SH3PXD2B: variants seen among roughly 807,000 people sequenced by gnomAD.
The protein encoded by SH3PXD2B is SH3 and PX domains 2B.
A neutral mutation model predicts 73.1 loss-of-function variants in SH3PXD2B; 37 were observed. The ratio of observed to expected loss-of-function variants is 0.51; its 90% CI spans 0.39 to 0.67. The LOEUF (loss-of-function observed/expected upper bound fraction) is 0.67, where lower values mean the gene tolerates loss of function less well. SH3PXD2B is among the 30% of genes least tolerant of loss of function. SH3PXD2B has a pLI of 0.00. For missense variants in SH3PXD2B, 1,053 were observed against 1,197.8 expected, an observed-to-expected ratio of 0.88 and a Z score of 1.78; for synonymous variants, 457 against 480.5, an observed-to-expected ratio of 0.95 and a Z score of 0.64.
At chr5:172,418,206 G>T (rs369878112) in intron 2 of SH3PXD2B, among the ~76,000 whole-genome samples, 1 of 152,278 alleles carries the variant, frequency 6.6e-6, no homozygotes, top group East Asian at 1.9e-4. Flanking sequence ...CTTCATTTGC[G>T]TAATTGGATA....
downstream of SH3PXD2B, among the ~76,000 whole-genome samples, chr5:172,328,886 T>A (rs1240957426): frequency 6.6e-6 from 1 of 151,918 alleles, no homozygotes; most frequent in African/African-American, 2.4e-5. Context: ...GCAGCTCCAT[T>A]CACATGGAAG....
intron 12 of SH3PXD2B, among the ~76,000 whole-genome samples, chr5:172,344,037 T>G (rs1756921464): frequency 6.6e-6 from 1 of 152,040 alleles, no homozygotes; most frequent in Non-Finnish European, 1.5e-5. Flanking sequence ...TTGGGACTTC[T>G]GTGAAGATCA....
intron 5 of SH3PXD2B, among the ~76,000 whole-genome samples, chr5:172,374,454 G>A (rs1290944169): frequency 6.6e-6 from 1 of 152,198 alleles, no homozygotes; most frequent in African/African-American, 2.4e-5. Context: ...GGCTGAGGCG[G>A]GTGGATCACC....
chr5:172,354,388 T>C (rs569579440), intron 8 of SH3PXD2B, among the ~76,000 whole-genome samples: 9 of 152,342 alleles, frequency 5.9e-5, no homozygotes, highest in African/African-American at 2.2e-4. Context: ...GGCTTATTTA[T>C]TGTGTTTCGT....
intron 1 of SH3PXD2B, among the ~76,000 whole-genome samples, chr5:172,443,272 C>T (rs1759588346): frequency 6.6e-6 from 1 of 152,216 alleles, no homozygotes; most frequent in Non-Finnish European, 1.5e-5. Context: ...GACAAAGTCA[C>T]ATGTATTACT....
intron 12 of SH3PXD2B, among the ~76,000 whole-genome samples, chr5:172,344,263 A>G (rs898178611): frequency 2.0e-5 from 3 of 152,204 alleles, no homozygotes; most frequent in Non-Finnish European, 4.4e-5. Flanking sequence ...ACTGGAGAAG[A>G]GAAAAACAGA....
intron 1 of SH3PXD2B, among the ~76,000 whole-genome samples, chr5:172,441,054 A>G (rs769298245): frequency 3.4e-4 from 51 of 152,122 alleles, no homozygotes; most frequent in Admixed American, 1.0e-3. Context: ...AACCAAGTGA[A>G]ATTGCCATTT....
intron 2 of SH3PXD2B, among the ~76,000 whole-genome samples, chr5:172,411,256 T>C (rs1758685533): frequency 6.6e-6 from 1 of 152,132 alleles, no homozygotes; most frequent in Non-Finnish European, 1.5e-5. Context: ...CTAACATGAC[T>C]ATTTCCAATC....
chr5:172,371,413 C>T (rs1198705533), intron 6 of SH3PXD2B, among the ~76,000 whole-genome samples: 6 of 152,282 alleles, frequency 3.9e-5, no homozygotes, highest in East Asian at 3.9e-4. Flanking sequence ...GACTGGGAAA[C>T]GCCAGAGGCA....
chr5:172,395,911 C>T (rs1758283828), intron 3 of SH3PXD2B, among the ~76,000 whole-genome samples: 2 of 152,070 alleles, frequency 1.3e-5, no homozygotes, highest in African/African-American at 4.8e-5. Flanking sequence ...CTCTCTATTT[C>T]TGGTCCTAGG....
intron 2 of SH3PXD2B, among the ~76,000 whole-genome samples, chr5:172,406,556 C>T (rs557936039): frequency 7.9e-5 from 12 of 152,256 alleles, no homozygotes; most frequent in African/African-American, 2.2e-4. Context: ...ATATCCACAG[C>T]CGCCAGATTT....
intron 12 of SH3PXD2B, among the ~76,000 whole-genome samples, chr5:172,345,289 T>A (rs1404578545): frequency 6.6e-6 from 1 of 152,120 alleles, no homozygotes; most frequent in African/African-American, 2.4e-5. Flanking sequence ...ACCAGAGCTG[T>A]GTTCTTTAAA....
chr5:172,336,943 G>C lies in SH3PXD2B; in HGVS notation c.*1426C>G. 1 of 985,566 alleles carries C rather than the reference G, an allele frequency of 1.0e-6. No individual in the cohort carries two copies. Among genetic ancestry groups the C allele is most frequent in the South Asian group, 4.7e-5 (1 of 21,292 alleles). 61.1% of individuals were successfully genotyped at this position (985,566 alleles called of 1,614,324 possible). On this transcript the variant is annotated 3_prime_UTR_variant, in exon 13 of 13. Transcript: ENST00000311601. ...AGAAAAAAACATTACAAATGCCGGA[G>C]AGGCACAGGAAGCAGCTCTGCCTGG...
intron 5 of SH3PXD2B, among the ~76,000 whole-genome samples, chr5:172,379,313 T>TAAAAAAAAAA (rs11346663): frequency 8.9e-6 from 1 of 112,856 alleles, no homozygotes; most frequent in Non-Finnish European, 1.9e-5. Flanking sequence ...TACAAAAAAT[T>TAAAAAAAAAA]AAAAAAAAAA....
intron 3 of SH3PXD2B, among the ~76,000 whole-genome samples, chr5:172,403,997 C>T (rs972468188): frequency 2.6e-5 from 4 of 152,208 alleles, no homozygotes; most frequent in Non-Finnish European, 4.4e-5. Context: ...CTGAAGCACA[C>T]GCTTTGGAGC....
chr5:172,390,813 TTTTGTGTGTGTGTGTGTGTGTGTG>T (rs1158538131), intron 4 of SH3PXD2B, among the ~76,000 whole-genome samples: 3 of 116,764 alleles, frequency 2.6e-5, no homozygotes. Context: ...GCTTCCCGTC[TTTTGTGTGTGTGTGTGTGTGTGTG>T]TGTGTGTGTG....
chr5:172,368,590 A>ACAT lies in SH3PXD2B; in HGVS notation c.427+5199_427+5200insATG, dbSNP rs1561908320. On this transcript the variant is annotated intron_variant, in intron 6 of 12. Coordinates refer to ENST00000311601, the MANE Select transcript of SH3PXD2B (RefSeq NM_001017995.3). ...TAAAATATGTTATATATATATATAA[A>ACAT]ATATGTTATATATATAATATATATG... 9.4e-4 allele frequency among the ~76,000 whole-genome samples: 11 copies of ACAT among 11,740 alleles called. 2 individuals are homozygous for ACAT. Among genetic ancestry groups the ACAT allele is most frequent in the African/African-American group, 7.4e-3 (11 of 1,496 alleles). 7.7% of individuals were successfully genotyped at this position (11,740 alleles called of 152,430 possible).
In SH3PXD2B at chr5:172,374,574, C is replaced by T. The variant is rs192177225; in HGVS notation, c.402-759G>A. ...GCACATGCCTGTGGTCCCAGCTACT[C>T]GGGAAGCTGAGACAGGAGAATCAAT... On this transcript the variant is annotated intron_variant, in intron 5 of 12. Coordinates refer to ENST00000311601, the MANE Select transcript of SH3PXD2B (RefSeq NM_001017995.3). Among the ~76,000 whole-genome samples the T allele has an allele frequency of 3.9e-3, 595 of 152,240 alleles. 4 individuals are homozygous for T. Among genetic ancestry groups the T allele is most frequent in the Admixed American group, 7.0e-3 (107 of 15,284 alleles).
downstream of SH3PXD2B, among the ~76,000 whole-genome samples, chr5:172,329,004 C>CATATAT (rs1278944010): frequency 6.8e-6 from 1 of 147,032 alleles, no homozygotes; most frequent in Non-Finnish European, 1.5e-5. Context: ...TGTATAGATA[C>CATATAT]ACACATATAT....
Sources: allele counts gnomAD v4.1 joint callset (sites outside exome capture counted in the v4.1 genomes callset), GRCh38; gene constraint gnomAD v4.1.1; transcripts MANE v1.5; gene names NCBI Gene and HGNC (gene_info 2026-07-23, HGNC 2026-07-21).